Variants in SLC9A2 observed in about 807,000 individuals in gnomAD.
SLC9A2 encodes the protein sodium/hydrogen exchanger 2.
In SLC9A2, 42 loss-of-function variants were observed where a neutral mutation model predicts 71.7. The ratio of observed to expected loss-of-function variants is 0.59; its 90% CI spans 0.46 to 0.76. The LOEUF is 0.76. Among genes scored for constraint, SLC9A2 ranks in the 30% least tolerant of loss-of-function variants. The pLI, the probability that SLC9A2 is intolerant of heterozygous loss-of-function variation, is 0.00. For missense variants in SLC9A2, 829 were observed against 1,017.4 expected, an observed-to-expected ratio of 0.81 and a Z score of 2.52; for synonymous variants, 396 against 392.5, an observed-to-expected ratio of 1.01 and a Z score of -0.10.
intron 1 of SLC9A2, among the ~76,000 whole-genome samples, chr2:102,632,125 T>TACACAC (rs1159659759): frequency 1.8e-5 from 2 of 109,560 alleles, no homozygotes; most frequent in Non-Finnish European, 3.5e-5. Flanking sequence ...TATATACATA[T>TACACAC]ATACATATAT....
At chr2:102,667,903 C>G (rs932435496) in intron 3 of SLC9A2, among the ~76,000 whole-genome samples, 1 of 151,662 alleles carries the variant, frequency 6.6e-6, no homozygotes, top group Non-Finnish European at 1.5e-5. Flanking sequence ...AACCCCGTCT[C>G]TACTAAAAAA....
rs1481669482 is a variant in SLC9A2, at chr2:102,619,620, G to T, written c.-229G>T. The T allele has an allele frequency of 7.4e-6, 3 of 407,786 alleles. No individual in the cohort carries two copies. Among genetic ancestry groups the T allele is most frequent in the African/African-American group, 2.1e-5 (1 of 48,134 alleles). The allele number at this position is 407,786 out of a possible 1,614,324, so 25.3% of individuals were successfully genotyped here. On this transcript the variant is annotated 5_prime_UTR_variant, in exon 1 of 12. Coordinates refer to ENST00000233969, the MANE Select transcript of SLC9A2 (RefSeq NM_003048.6). The surrounding 1 kb of genome is among the most constrained non-coding windows in gnomAD (Gnocchi z 4.3). The stretch of plus-strand genomic sequence containing the variant: ...GGCGGCTGAGGGCTGCTGAGGGTAC[G>T]CGCAGCGGCCTCTCGTCGCCCTGCA...
chr2:102,682,133 G>C (rs1395043750), intron 3 of SLC9A2, among the ~76,000 whole-genome samples: 3 of 152,076 alleles, frequency 2.0e-5, no homozygotes, highest in East Asian at 3.9e-4. Context: ...TGGAAGGCAG[G>C]GTGGCTCCCT....
At chr2:102,639,650 C>T (rs558562437) in intron 1 of SLC9A2, among the ~76,000 whole-genome samples, 3 of 152,336 alleles carry the variant, frequency 2.0e-5, no homozygotes, top group Admixed American at 6.5e-5. Flanking sequence ...TCAATCTTCA[C>T]GACATTTTCA....
rs778878671 is a variant in SLC9A2, at chr2:102,657,601, T to A, written c.327T>A (p.Pro109=). The change falls in exon 2 of 12, where the codon CCT becomes CCA. Residue 109 remains proline, a synonymous_variant. Coordinates refer to ENST00000233969, the MANE Select transcript of SLC9A2 (RefSeq NM_003048.6). ...HLYHKLPTIV[P]ESCLLIMVGL... ...ATCACAAGTTGCCCACAATAGTGCC[T>A]GAGAGCTGCCTTCTTATAATGGTTG... The A allele has an allele frequency of 6.2e-7, 1 of 1,613,720 alleles. No homozygotes were observed. The highest frequency in any genetic ancestry group is 8.5e-7 in the Non-Finnish European group (1 of 1,179,774).
intron 5 of SLC9A2, among the ~76,000 whole-genome samples, chr2:102,690,682 C>A (rs1278051845): frequency 6.6e-6 from 1 of 152,114 alleles, no homozygotes; most frequent in Non-Finnish European, 1.5e-5. Flanking sequence ...ACAGCTACTG[C>A]AATGCTTTAA....
chr2:102,653,604 T>A (rs556515525), intron 1 of SLC9A2, among the ~76,000 whole-genome samples: 3 of 152,330 alleles, frequency 2.0e-5, no homozygotes, highest in Admixed American at 6.5e-5. Flanking sequence ...TTCTGTTCCT[T>A]CCTTTCTCTC....
At chr2:102,623,003 T>G (rs768039216) in intron 1 of SLC9A2, among the ~76,000 whole-genome samples, 4 of 152,238 alleles carry the variant, frequency 2.6e-5, no homozygotes, top group Admixed American at 1.3e-4. Context: ...ATGTGGTATT[T>G]TGTTAAAGGC....
At chr2:102,662,456 G>A (rs912261554) in intron 2 of SLC9A2, among the ~76,000 whole-genome samples, 2 of 152,166 alleles carry the variant, frequency 1.3e-5, no homozygotes, top group African/African-American at 4.8e-5. Context: ...TTGGGGACAT[G>A]GGGCACTCAC....
At chr2:102,638,210 AT>A (rs796184842) in intron 1 of SLC9A2, among the ~76,000 whole-genome samples, 1 of 152,254 alleles carries the variant, frequency 6.6e-6, no homozygotes, top group African/African-American at 2.4e-5. Flanking sequence ...GTTACATGAA[AT>A]TTTGCTTCTT....
At chr2:102,674,503 A>G (rs191555327) in intron 3 of SLC9A2, among the ~76,000 whole-genome samples, 1 of 152,282 alleles carries the variant, frequency 6.6e-6, no homozygotes, top group African/African-American at 2.4e-5. Context: ...CCTCAATCAA[A>G]CATGAGGTCT....
chr2:102,693,052 A>ATT (rs1466750078), intron 5 of SLC9A2, among the ~76,000 whole-genome samples: 2 of 150,960 alleles, frequency 1.3e-5, no homozygotes, highest in African/African-American at 2.4e-5. Context: ...ATATACTAGT[A>ATT]TTTTATATAT....
At chr2:102,625,658 T>G (rs1676233309) in intron 1 of SLC9A2, among the ~76,000 whole-genome samples, 1 of 152,176 alleles carries the variant, frequency 6.6e-6, no homozygotes, top group African/African-American at 2.4e-5. Context: ...ACTCATCATT[T>G]TTTACAGCTG....
intron 3 of SLC9A2, among the ~76,000 whole-genome samples, chr2:102,667,420 T>C (rs1573416826): frequency 6.6e-6 from 1 of 152,196 alleles, no homozygotes; most frequent in Non-Finnish European, 1.5e-5. Flanking sequence ...AAAGGAGCTA[T>C]GCAAATTTGT....
At chr2:102,647,251 C>G (rs551802209) in intron 1 of SLC9A2, among the ~76,000 whole-genome samples, 1 of 152,166 alleles carries the variant, frequency 6.6e-6, no homozygotes, top group East Asian at 1.9e-4. Flanking sequence ...CGGATGACTA[C>G]TGGGTAAATA....
chr2:102,628,146 C>T (rs1482422744), intron 1 of SLC9A2, among the ~76,000 whole-genome samples: 1 of 152,064 alleles, frequency 6.6e-6, no homozygotes, highest in Non-Finnish European at 1.5e-5. Flanking sequence ...ATTCATAATA[C>T]TCAAAGTTTA....
intron 7 of SLC9A2, among the ~76,000 whole-genome samples, chr2:102,696,574 C>T (rs190447991): frequency 2.0e-5 from 3 of 152,062 alleles, no homozygotes; most frequent in Admixed American, 6.5e-5. Flanking sequence ...ACAACAAAAC[C>T]GTCACACAGC....
chr2:102,653,620 C>T (rs1309026485), intron 1 of SLC9A2, among the ~76,000 whole-genome samples: 1 of 152,120 alleles, frequency 6.6e-6, no homozygotes. Flanking sequence ...CTCTCTTTTC[C>T]CTGGTTTCCA....
At chr2:102,649,987 A>G (rs1336862744) in intron 1 of SLC9A2, among the ~76,000 whole-genome samples, 1 of 152,244 alleles carries the variant, frequency 6.6e-6, no homozygotes, top group Non-Finnish European at 1.5e-5. Flanking sequence ...AAAGGATTAC[A>G]AATCATTGTA....
Sources: gnomAD v4.1 joint callset for allele counts (sites outside exome capture counted in the v4.1 genomes callset) on GRCh38, gnomAD v4.1.1 for gene constraint, Gnocchi (gnomAD v3.1) non-coding constraint, MANE v1.5 for transcripts, NCBI Gene and HGNC (gene_info 2026-07-23, HGNC 2026-07-21) for gene names.